Variants in CPS1 observed in about 807,000 individuals in gnomAD.
CPS1 encodes the protein carbamoyl-phosphate synthase 1.
A neutral mutation model predicts 174.6 loss-of-function variants in CPS1; 109 were observed. That is an observed-to-expected ratio of 0.62 (90% CI 0.53 to 0.73). CPS1 has a LOEUF of 0.73. Among genes scored for constraint, CPS1 ranks in the 30% least tolerant of loss-of-function variants. CPS1 has a pLI of 0.00. For synonymous variants in CPS1, 637 were observed against 632.0 expected (o/e 1.01, Z -0.12); for missense variants, 1,689 against 1,821.9 (o/e 0.93, Z 1.33).
At chr2:210,502,254 C>T (rs1056555812) in intron 1 of CPS1, among the ~76,000 whole-genome samples, 2 of 151,768 alleles carry the variant, frequency 1.3e-5, no homozygotes, top group Admixed American at 6.6e-5. Flanking sequence ...TTTTCCTTCT[C>T]GAATTAATGC....
chr2:210,579,146 A>G (rs1420304963), intron 4 of CPS1, among the ~76,000 whole-genome samples: 6 of 152,206 alleles, frequency 3.9e-5, no homozygotes, highest in Non-Finnish European at 5.9e-5. Flanking sequence ...TTATTTTAGT[A>G]AAAAGCCTCC....
chr2:210,643,394 T>A (rs1417572153), intron 25 of CPS1, among the ~76,000 whole-genome samples: 1 of 152,160 alleles, frequency 6.6e-6, no homozygotes, highest in African/African-American at 2.4e-5. Flanking sequence ...TTACAGTTAT[T>A]ATTACTTTTT....
Position 210,519,640 on chromosome 2 carries a change from A to G in CPS1, c.4-37079A>G, listed in dbSNP as rs187736954. On this transcript the variant is annotated intron_variant, in intron 1 of 38. Transcript: ENST00000430249. Reference sequence around the variant, plus strand: ...CTGCCCTACATGGATTTTGAACTTGAATTCCCAGCCTCGCTTGCATCTAGA... The same window carrying G: ...CTGCCCTACATGGATTTTGAACTTGGATTCCCAGCCTCGCTTGCATCTAGA... 157 of 489,228 alleles carry G rather than the reference A, an allele frequency of 3.2e-4. 2 individuals carry two copies. The East Asian group carries it at 0.019, about 60-fold the overall frequency. The allele number at this position is 489,228 out of a possible 1,614,324, so 30.3% of individuals were successfully genotyped here. A position where few individuals can be genotyped will look rare whatever the true frequency, so the allele number is the denominator to read the frequency against.
upstream of CPS1, among the ~76,000 whole-genome samples, chr2:210,552,612 C>G (rs1223817716): frequency 6.6e-6 from 1 of 151,924 alleles, no homozygotes; most frequent in Non-Finnish European, 1.5e-5. Flanking sequence ...CCTTTATTCT[C>G]TAAGACATCC....
In CPS1 at chr2:210,627,607, T is replaced by TTTGGATGC. The variant is rs1699734463; in HGVS notation, c.2688-10095_2688-10094insTTGGATGC. ...AGTCATGCACTTCGTATCCAAAGAC[T>TTTGGATGC]ATAAGGCAGCGACCATGCCTCCTAA... On this transcript the variant is annotated intron_variant, in intron 21 of 37. Transcript: ENST00000233072. Among the ~76,000 whole-genome samples the TTTGGATGC allele has an allele frequency of 3.9e-5, 6 of 152,288 alleles. No individual in the cohort carries two copies. In the South Asian group the frequency reaches 1.2e-3, roughly 32 times the overall value.
chr2:210,592,018 C>A (rs1215292438), intron 10 of CPS1, 49 bp downstream of exon 10: 2 of 1,577,680 alleles, frequency 1.3e-6, no homozygotes, highest in Non-Finnish European at 1.7e-6. Context: ...AAACGCAGGG[C>A]TTTTAAAAAT....
rs372353736 is a variant in CPS1 at position 210,636,633 on chromosome 2, G to A, written c.2688-1069G>A. On this transcript the variant is annotated intron_variant, in intron 21 of 37. Transcript: ENST00000233072. ...AGTTAGGAGACATTAAAAGTATCAG[G>A]TGATAATGGACATGCTAAACTGTAT... is the stretch of plus-strand genomic sequence containing the variant. 4.8e-4 allele frequency among the ~76,000 whole-genome samples: 73 copies of A among 152,082 alleles called. 1 individual carries two copies. Among genetic ancestry groups the A allele is most frequent in the African/African-American group, 1.5e-3 (64 of 41,494 alleles).
intron 28 of CPS1, 125 bp from the exon 29 acceptor site, chr2:210,653,900 T>C (rs1485072418): frequency 1.3e-6 from 1 of 758,986 alleles, no homozygotes; most frequent in Non-Finnish European, 2.4e-6. Flanking sequence ...TATGTAGTTA[T>C]GTTCAGCCTT....
intron 25 of CPS1, among the ~76,000 whole-genome samples, chr2:210,646,822 A>G (rs1258494028): frequency 6.6e-6 from 1 of 152,084 alleles, no homozygotes; most frequent in African/African-American, 2.4e-5. Context: ...CACAGAAGGA[A>G]CCAAGTTAGG....
At chr2:210,574,619 A>G (rs1207939009) in intron 2 of CPS1, among the ~76,000 whole-genome samples, 2 of 152,086 alleles carry the variant, frequency 1.3e-5, no homozygotes, top group Admixed American at 6.6e-5. Flanking sequence ...GCCAACAAAC[A>G]ACTGTTTAAT....
rs373780457 is a variant in CPS1, at chr2:210,588,536, C to A, written c.711+389C>A. Reference sequence around the variant, plus strand: ...TTTTGTACCACACGTTTGTAGGAATCATGCCCTGACAGAGTACGAACTTTC... The same window carrying A: ...TTTTGTACCACACGTTTGTAGGAATAATGCCCTGACAGAGTACGAACTTTC... On this transcript the variant is annotated intron_variant, in intron 7 of 37. Coordinates refer to ENST00000233072, the MANE Select transcript of CPS1 (RefSeq NM_001875.5). Among the ~76,000 whole-genome samples the A allele has an allele frequency of 1.9e-4, 29 of 152,216 alleles. No individual in the cohort carries two copies. The South Asian group carries it at 5.6e-3, about 29-fold the overall frequency.
At chr2:210,513,552 G>A (rs544567536) in intron 1 of CPS1, among the ~76,000 whole-genome samples, 9 of 151,972 alleles carry the variant, frequency 5.9e-5, no homozygotes, top group African/African-American at 2.2e-4. Context: ...GTTTTTGCCT[G>A]TTGAATTGTT....
chr2:210,506,246 C>T (rs766258339), intron 1 of CPS1, among the ~76,000 whole-genome samples: 2 of 152,126 alleles, frequency 1.3e-5, no homozygotes, highest in Non-Finnish European at 2.9e-5. Flanking sequence ...TGTTCTGCAG[C>T]CTCCGCTTCT....
In CPS1 at chr2:210,576,411, T is replaced by TTGGGAA. The variant is rs1288123680; in HGVS notation, c.306_311dup (p.Asn103_Gly104dup). ...ATTCTCACAATGGCCAACCCTATTA[T>TTGGGAA]TGGGAATGGTGGAGCTCCTGATACT... is the stretch of plus-strand genomic sequence containing the variant. On this transcript the variant is annotated inframe_insertion, in exon 3 of 38. Coordinates refer to ENST00000233072, the MANE Select transcript of CPS1 (RefSeq NM_001875.5). 8.7e-6 allele frequency: 14 copies of TTGGGAA among 1,613,606 alleles called. No individual in the cohort carries two copies. The highest frequency in any genetic ancestry group is 1.3e-5 in the African/African-American group (1 of 74,882).
At chr2:210,605,753 A>G (rs1271985003) in intron 17 of CPS1, among the ~76,000 whole-genome samples, 3 of 151,974 alleles carry the variant, frequency 2.0e-5, no homozygotes, top group Non-Finnish European at 2.9e-5. Context: ...AATTTAAGAA[A>G]TAAAATAGAA....
At chr2:210,572,543 A>G (rs888111750) in intron 1 of CPS1, among the ~76,000 whole-genome samples, 21 of 152,112 alleles carry the variant, frequency 1.4e-4, no homozygotes, top group African/African-American at 5.1e-4. Flanking sequence ...ATGTTTTTCC[A>G]GTTGTCCCTC....
In CPS1 at chr2:210,512,849, G is replaced by GAT. The variant is rs1260397507; in HGVS notation, c.3+35095_3+35096dup. On this transcript the variant is annotated intron_variant, in intron 1 of 38. Transcript: ENST00000430249. ...ATATATGGAGATATACATATATGGA[G>GAT]ATATATATATATAGATATATATATA... is the stretch of plus-strand genomic sequence containing the variant. Among the ~76,000 whole-genome samples the GAT allele has an allele frequency of 5.3e-3, 353 of 66,258 alleles. 19 individuals carry two copies. The highest frequency in any genetic ancestry group is 8.0e-3 in the South Asian group (14 of 1,742). The allele number at this position is 66,258 out of a possible 152,430, so 43.5% of individuals were successfully genotyped here.
At chr2:210,507,587 T>G (rs942322784) in intron 1 of CPS1, among the ~76,000 whole-genome samples, 5 of 151,510 alleles carry the variant, frequency 3.3e-5, no homozygotes, top group Admixed American at 6.6e-5. Context: ...ACTGGCAAAT[T>G]GGATAAAGAG....
intron 1 of CPS1, among the ~76,000 whole-genome samples, chr2:210,487,003 T>TTTAA (rs1400895202): frequency 6.6e-6 from 1 of 152,072 alleles, no homozygotes; most frequent in Non-Finnish European, 1.5e-5. Context: ...TATTTATTTA[T>TTTAA]TTTTTGCTTG....
Sources: gnomAD v4.1 joint callset for allele counts (sites outside exome capture counted in the v4.1 genomes callset) on GRCh38, gnomAD v4.1.1 for gene constraint, MANE v1.5 for transcripts, NCBI Gene and HGNC (gene_info 2026-07-23, HGNC 2026-07-21) for gene names.